The following PDE10A variants were observed in gnomAD, a reference collection of about 807,000 sequenced individuals.
PDE10A encodes cAMP and cAMP-inhibited cGMP 3',5'-cyclic phosphodiesterase 10A.
A neutral mutation model predicts 97.7 loss-of-function variants in PDE10A; 39 were observed. The ratio of observed to expected loss-of-function variants is 0.40; its 90% CI spans 0.31 to 0.52. The LOEUF is 0.52. PDE10A is among the 20% of genes least tolerant of loss of function. The probability of loss-of-function intolerance (pLI) is 0.56; values close to 1 mark genes in which losing one functional copy is unlikely to be tolerated. For missense variants in PDE10A, 731 were observed against 1,047.8 expected, an observed-to-expected ratio of 0.70 and a Z score of 4.17; for synonymous variants, 371 against 376.8, an observed-to-expected ratio of 0.98 and a Z score of 0.18.
intron 1 of PDE10A, among the ~76,000 whole-genome samples, chr6:165,821,705 T>C (rs1017375788): frequency 6.6e-6 from 1 of 151,872 alleles, no homozygotes; most frequent in Non-Finnish European, 1.5e-5. Flanking sequence ...TTTTTGTTTG[T>C]TTTGTTTTTG....
At chr6:165,827,335 C>T (rs773244670) in intron 1 of PDE10A, among the ~76,000 whole-genome samples, 3 of 152,188 alleles carry the variant, frequency 2.0e-5, no homozygotes, top group African/African-American at 7.2e-5. Context: ...GTGTCCAGCT[C>T]GAGACCTGTG....
chr6:165,440,295 T>A (rs989055595), intron 5 of PDE10A, among the ~76,000 whole-genome samples: 1 of 151,098 alleles, frequency 6.6e-6, no homozygotes, highest in Non-Finnish European at 1.5e-5. Context: ...CAGCTCTGGA[T>A]ATGAAGAATG....
chr6:165,637,757 G>A (rs1268954361), intron 1 of PDE10A, among the ~76,000 whole-genome samples: 1 of 152,162 alleles, frequency 6.6e-6, no homozygotes, highest in African/African-American at 2.4e-5. Flanking sequence ...GGCGGGGCGC[G>A]TCCTCCCAGA....
chr6:165,625,096 G>A (rs374643718), intron 1 of PDE10A, among the ~76,000 whole-genome samples: 16 of 150,042 alleles, frequency 1.1e-4, no homozygotes, highest in African/African-American at 4.0e-4. Flanking sequence ...CTGGAGAGAC[G>A]GCCGAGTGGC....
At chr6:165,433,873 C>T (rs1039214700) in intron 6 of PDE10A, among the ~76,000 whole-genome samples, 34 of 151,616 alleles carry the variant, frequency 2.2e-4, no homozygotes, top group African/African-American at 7.3e-4. Context: ...ACAAATTAGC[C>T]GGGCGCGGTG....
At chr6:165,775,550 C>G (rs1323167498) in intron 1 of PDE10A, 1 of 152,202 alleles carries the variant, frequency 6.6e-6, no homozygotes, top group Non-Finnish European at 1.5e-5. Context: ...CCTGTCGTAC[C>G]CATCCATCAC....
chr6:165,745,074 G>T (rs1792814413), intron 1 of PDE10A, among the ~76,000 whole-genome samples: 1 of 152,048 alleles, frequency 6.6e-6, no homozygotes, highest in Non-Finnish European at 1.5e-5. Context: ...AATAGCAGTT[G>T]GTATTTTAAT....
chr6:165,759,001 T>C (rs1286458011), intron 1 of PDE10A, among the ~76,000 whole-genome samples: 1 of 152,154 alleles, frequency 6.6e-6, no homozygotes, highest in Non-Finnish European at 1.5e-5. Flanking sequence ...GACAAGGCGA[T>C]TTGAGGCCAC....
intron 1 of PDE10A, among the ~76,000 whole-genome samples, chr6:165,813,448 C>G (rs77994800): frequency 0.4 from 59,962 of 151,608 alleles, 11,999 homozygotes; most frequent in Non-Finnish European, 0.43. Flanking sequence ...GACCTAGTGA[C>G]TTTATGACCA....
intron 1 of PDE10A, among the ~76,000 whole-genome samples, chr6:165,714,244 G>A (rs1791971882): frequency 6.6e-6 from 1 of 152,226 alleles, no homozygotes; most frequent in African/African-American, 2.4e-5. Flanking sequence ...ATTTCCTACT[G>A]ACGCCCACCC....
intron 1 of PDE10A, among the ~76,000 whole-genome samples, chr6:165,882,299 A>G (rs879631784): frequency 6.6e-5 from 10 of 152,236 alleles, no homozygotes; most frequent in Non-Finnish European, 1.3e-4. Flanking sequence ...CCCCAAGGAC[A>G]TCTCTGTACT....
chr6:165,603,787 G>A (rs1225880599), intron 1 of PDE10A, among the ~76,000 whole-genome samples: 1 of 152,184 alleles, frequency 6.6e-6, no homozygotes, highest in African/African-American at 2.4e-5. Flanking sequence ...TCTGAAGTTG[G>A]TATTTTTTAC....
At chr6:165,456,608 G>C (rs962245594) in intron 3 of PDE10A, among the ~76,000 whole-genome samples, 2 of 152,174 alleles carry the variant, frequency 1.3e-5, no homozygotes, top group African/African-American at 4.8e-5. Flanking sequence ...TTATCATGAG[G>C]TTTCATTTCA....
chr6:165,668,912 A>G (rs1013407760), intron 1 of PDE10A, among the ~76,000 whole-genome samples: 1 of 152,200 alleles, frequency 6.6e-6, no homozygotes, highest in African/African-American at 2.4e-5. Context: ...TTTGTCCCTG[A>G]GCTTCTCTTG....
At chr6:165,939,907 A>G (rs900109542) in intron 1 of PDE10A, 8 of 152,378 alleles carry the variant, frequency 5.3e-5, no homozygotes, top group African/African-American at 1.9e-4. Context: ...AGAATCCCGC[A>G]CAACCAAGCT....
rs1792010741 is a variant in PDE10A, at chr6:165,715,726, C to A, written c.-614-172158G>T. Among the ~76,000 whole-genome samples the A allele has an allele frequency of 1.3e-5, 2 of 152,188 alleles. 1 individual carries two copies. Among genetic ancestry groups the A allele is most frequent in the South Asian group, 4.1e-4 (2 of 4,830 alleles). ...GTCCAGGAAAGAAGACAGCATGTTACCTGCTGCATAGAAAGCAAAGGACCC... is the reference window on the plus strand; with the variant it reads ...GTCCAGGAAAGAAGACAGCATGTTAACTGCTGCATAGAAAGCAAAGGACCC... On this transcript the variant is annotated intron_variant, in intron 1 of 19. Coordinates refer to the PDE10A transcript ENST00000366882.
intron 1 of PDE10A, among the ~76,000 whole-genome samples, chr6:165,569,946 G>A (rs980342299): frequency 6.6e-6 from 1 of 152,158 alleles, no homozygotes; most frequent in Non-Finnish European, 1.5e-5. Context: ...AAAATTACCT[G>A]TTTTAACCAA....
At chr6:165,349,957 G>A (rs1000259709) in intron 18 of PDE10A, among the ~76,000 whole-genome samples, 7 of 152,220 alleles carry the variant, frequency 4.6e-5, no homozygotes, top group Admixed American at 2.6e-4. Context: ...GGATGTCCAG[G>A]CAGAAGTTTG....
intron 1 of PDE10A, among the ~76,000 whole-genome samples, chr6:165,628,339 G>A (rs1788479205): frequency 6.8e-6 from 1 of 146,232 alleles, no homozygotes. Flanking sequence ...GCACTAATGT[G>A]ATAGTTCTTT....
Sources: gnomAD v4.1 joint callset for allele counts (sites outside exome capture counted in the v4.1 genomes callset) on GRCh38, gnomAD v4.1.1 for gene constraint, MANE v1.5 for transcripts, NCBI Gene and HGNC (gene_info 2026-07-23, HGNC 2026-07-21) for gene names.